The following PDE4B variants were observed in gnomAD, a reference collection of about 807,000 sequenced individuals.
The protein encoded by PDE4B is phosphodiesterase 4B.
A neutral mutation model predicts 82.2 loss-of-function variants in PDE4B; 20 were observed. The observed-to-expected ratio is 0.24, with a 90% CI of 0.17 to 0.35. The LOEUF is 0.35. Ranked by LOEUF, PDE4B falls within the 10% of genes least tolerant of loss-of-function variation. The probability of loss-of-function intolerance (pLI) is 1.00; values close to 1 mark genes in which losing one functional copy is unlikely to be tolerated. For synonymous variants in PDE4B, 320 were observed against 318.9 expected (o/e 1.00, Z -0.04); for missense variants, 655 against 907.2 (o/e 0.72, Z 3.57).
intron 3 of PDE4B, among the ~76,000 whole-genome samples, chr1:66,195,727 C>G (rs1648244644): frequency 1.3e-5 from 2 of 152,166 alleles, no homozygotes; most frequent in Non-Finnish European, 2.9e-5. Context: ...ACTTCATTAC[C>G]TCCTACACCT....
intron 3 of PDE4B, among the ~76,000 whole-genome samples, chr1:66,133,347 A>T (rs1219002772): frequency 6.6e-6 from 1 of 152,198 alleles, no homozygotes; most frequent in Admixed American, 6.5e-5. Flanking sequence ...AATGAATGTT[A>T]TTATTATTAT....
At chr1:65,867,982 G>C (rs1646531175) in intron 1 of PDE4B, among the ~76,000 whole-genome samples, 1 of 152,190 alleles carries the variant, frequency 6.6e-6, no homozygotes. Context: ...GACATTTAAT[G>C]AGTGGATAAC....
At chr1:66,331,832 T>C in intron 7 of PDE4B, 1 of 985,196 alleles carries the variant, frequency 1.0e-6, no homozygotes, top group Non-Finnish European at 1.2e-6. Context: ...TAGACTGGAG[T>C]CTTATCAGGG....
At chr1:65,990,650 T>C (rs563359062) in intron 3 of PDE4B, among the ~76,000 whole-genome samples, 2 of 152,308 alleles carry the variant, frequency 1.3e-5, no homozygotes, top group East Asian at 3.9e-4. Context: ...CATTAGAGCC[T>C]ACTTGAACAA....
chr1:66,044,188 G>A (rs1396776843), intron 3 of PDE4B, among the ~76,000 whole-genome samples: 8 of 151,598 alleles, frequency 5.3e-5, no homozygotes, highest in African/African-American at 1.7e-4. Flanking sequence ...ATTTAGGATC[G>A]AATCCTAGGT....
intron 3 of PDE4B, among the ~76,000 whole-genome samples, chr1:65,978,601 C>T (rs1244877748): frequency 6.6e-6 from 1 of 152,074 alleles, no homozygotes; most frequent in African/African-American, 2.4e-5. Context: ...CATGCAGATT[C>T]TTTATATATT....
chr1:66,066,256 G>A (rs1413107296), intron 3 of PDE4B, among the ~76,000 whole-genome samples: 1 of 151,672 alleles, frequency 6.6e-6, no homozygotes, highest in Non-Finnish European at 1.5e-5. Flanking sequence ...ACTTAGTAAT[G>A]AGATAGTCCC....
chr1:66,069,600 A>C (rs796461239), intron 3 of PDE4B, among the ~76,000 whole-genome samples: 1 of 151,980 alleles, frequency 6.6e-6, no homozygotes, highest in Non-Finnish European at 1.5e-5. Flanking sequence ...AGCACATACT[A>C]TATTTGGAAT....
chr1:66,087,030 G>A (rs1357635239), intron 3 of PDE4B, among the ~76,000 whole-genome samples: 1 of 152,112 alleles, frequency 6.6e-6, no homozygotes, highest in Non-Finnish European at 1.5e-5. Context: ...GAAGAACAGA[G>A]TGCTTGGCAT....
At chr1:65,988,503 A>C (rs1651069530) in intron 3 of PDE4B, among the ~76,000 whole-genome samples, 1 of 152,150 alleles carries the variant, frequency 6.6e-6, no homozygotes, top group Admixed American at 6.5e-5. Context: ...GTATAGCTTT[A>C]CTTGAATAGA....
At chr1:66,289,826 T>C (rs1293247602) in intron 7 of PDE4B, among the ~76,000 whole-genome samples, 10 of 152,064 alleles carry the variant, frequency 6.6e-5, no homozygotes, top group Admixed American at 6.6e-4. Flanking sequence ...GATGCTTGCC[T>C]AATCAAGAAT....
chr1:65,989,817 A>G (rs1651149091), intron 3 of PDE4B, among the ~76,000 whole-genome samples: 1 of 150,670 alleles, frequency 6.6e-6, no homozygotes, highest in Non-Finnish European at 1.5e-5. Context: ...GCTTATGTTT[A>G]CTTTTTCTTA....
intron 3 of PDE4B, among the ~76,000 whole-genome samples, chr1:66,223,865 C>T (rs549581678): frequency 3.6e-4 from 55 of 152,286 alleles, no homozygotes; most frequent in African/African-American, 1.3e-3. Flanking sequence ...ATCACACCCT[C>T]GAATTCACTG....
In PDE4B at chr1:65,918,677, A is replaced by T; in HGVS notation, c.123A>T (p.Arg41Ser). Residue 41 changes from arginine to serine, a missense_variant, in exon 3 of 17, where the codon AGA becomes AGT. Arg to Ser is a moderately radical substitution (Grantham distance 110). This residue lies in a region of PDE4B where 253 missense variants were observed against 275.6 expected (regional missense o/e 0.92). Coordinates refer to ENST00000341517, the MANE Select transcript of PDE4B (RefSeq NM_002600.4). ...ACACACTTGGGATCGACCTCTGGAG[A>T]GGGAGAAGGTGTTGCTCAGGAAACT... is the stretch of plus-strand genomic sequence containing the variant. ...SSNTLGIDLW[R>S]GRRCCSGNLQ... is the part of the protein sequence containing the mutation. 6.2e-7 allele frequency: 1 copy of T among 1,613,682 alleles called. No individual in the cohort carries two copies. Among genetic ancestry groups the T allele is most frequent in the Non-Finnish European group, 8.5e-7 (1 of 1,179,662 alleles).
chr1:66,141,420 G>A (rs1158979817), intron 3 of PDE4B, among the ~76,000 whole-genome samples: 2 of 146,806 alleles, frequency 1.4e-5, no homozygotes, highest in East Asian at 4.0e-4. Context: ...GTTTCCCGAA[G>A]ATGACTTTAT....
intron 6 of PDE4B, among the ~76,000 whole-genome samples, chr1:66,265,298 GGA>G (rs1654952037): frequency 6.6e-6 from 1 of 152,186 alleles, no homozygotes; most frequent in South Asian, 2.1e-4. Context: ...TCAGGAAACA[GGA>G]GAGTCTGGTA....
At chr1:65,886,951 T>G (rs1646784691) in intron 1 of PDE4B, among the ~76,000 whole-genome samples, 1 of 152,166 alleles carries the variant, frequency 6.6e-6, no homozygotes, top group Non-Finnish European at 1.5e-5. Flanking sequence ...CTTCATACTG[T>G]TTTTCATAGT....
chr1:66,323,701 T>C (rs1028839067), intron 7 of PDE4B, among the ~76,000 whole-genome samples: 5 of 152,186 alleles, frequency 3.3e-5, no homozygotes, highest in Non-Finnish European at 1.5e-5. Context: ...AAATAGATAC[T>C]ATTATTATTC....
At chr1:65,848,395 C>G (rs535967005) in intron 1 of PDE4B, among the ~76,000 whole-genome samples, 1 of 152,148 alleles carries the variant, frequency 6.6e-6, no homozygotes, top group Non-Finnish European at 1.5e-5. Flanking sequence ...CTGTCTGCCT[C>G]AGCCTCCTAA....
Sources: allele counts gnomAD v4.1 joint callset (sites outside exome capture counted in the v4.1 genomes callset), GRCh38; gene constraint gnomAD v4.1.1; regional missense constraint gnomAD v4.1.1; transcripts MANE v1.5; gene names NCBI Gene and HGNC (gene_info 2026-07-23, HGNC 2026-07-21).